The following CBLB variants were observed in gnomAD, a reference collection of about 807,000 sequenced individuals.
The protein encoded by CBLB is Cbl proto-oncogene B, also known as E3 ubiquitin-protein ligase CBL-B.
In CBLB, 31 loss-of-function variants were observed where a neutral mutation model predicts 104.9. The observed-to-expected ratio is 0.30, with a 90% CI of 0.22 to 0.40. CBLB has a LOEUF of 0.40. CBLB is among the 10% of genes least tolerant of loss of function. The pLI is 1.00. For synonymous variants in CBLB, 440 were observed against 422.6 expected (o/e 1.04, Z -0.51); for missense variants, 1,062 against 1,214.6 (o/e 0.87, Z 1.87).
chr3:105,762,075 G>A (rs868588766), intron 4 of CBLB: 1 of 152,420 alleles, frequency 6.6e-6, no homozygotes, highest in African/African-American at 2.4e-5. Flanking sequence ...TAGGGCATCT[G>A]GCAGAAGAAA....
At chr3:105,730,890 CTT>C (rs1474374137) in intron 9 of CBLB, among the ~76,000 whole-genome samples, 4 of 152,090 alleles carry the variant, frequency 2.6e-5, no homozygotes, top group Non-Finnish European at 5.9e-5. Flanking sequence ...TCTCACATAA[CTT>C]TTAAAATTTT....
At chr3:105,683,046 T>C (rs1369554262) in intron 14 of CBLB, among the ~76,000 whole-genome samples, 2 of 152,106 alleles carry the variant, frequency 1.3e-5, no homozygotes, top group Non-Finnish European at 1.5e-5. Context: ...GATATTTGAA[T>C]AGATAATGCA....
chr3:105,686,885 A>G (rs949374839), intron 13 of CBLB, among the ~76,000 whole-genome samples: 2 of 152,140 alleles, frequency 1.3e-5, no homozygotes, highest in East Asian at 3.8e-4. Flanking sequence ...CCTACAGCAC[A>G]AGCTAAGGGC....
chr3:105,731,641 C>T (rs888621310), intron 9 of CBLB, among the ~76,000 whole-genome samples: 1 of 152,160 alleles, frequency 6.6e-6, no homozygotes, highest in East Asian at 1.9e-4. Context: ...TTTATAGAGA[C>T]GGGGTCTCCT....
At chr3:105,680,715 C>T (rs2066214516) in intron 16 of CBLB, among the ~76,000 whole-genome samples, 4 of 152,170 alleles carry the variant, frequency 2.6e-5, no homozygotes, top group Admixed American at 2.6e-4. Context: ...GGCCTAACAG[C>T]CAGTTCAGAA....
intron 13 of CBLB, among the ~76,000 whole-genome samples, chr3:105,690,771 G>T (rs1037078704): frequency 5.3e-5 from 8 of 149,880 alleles, no homozygotes; most frequent in Non-Finnish European, 1.2e-4. Context: ...GCAGTGAGCC[G>T]AGATCGCGCC....
intron 4 of CBLB, among the ~76,000 whole-genome samples, chr3:105,752,181 AACTT>A (rs1356202077): frequency 1.3e-5 from 2 of 152,244 alleles, no homozygotes; most frequent in Admixed American, 6.5e-5. Flanking sequence ...ACAAAAGAAA[AACTT>A]AATTTTTAAA....
intron 14 of CBLB, among the ~76,000 whole-genome samples, chr3:105,684,399 TTTAC>T (rs1363364816): frequency 1.3e-5 from 2 of 152,202 alleles, no homozygotes; most frequent in South Asian, 2.1e-4. Flanking sequence ...GACTCATGCC[TTTAC>T]TTAAAGATAA....
At chr3:105,772,743 C>T (rs189625954) in intron 4 of CBLB, among the ~76,000 whole-genome samples, 154 of 152,206 alleles carry the variant, frequency 1.0e-3, no homozygotes, top group African/African-American at 3.5e-3. Flanking sequence ...CATATACAAA[C>T]AGCCAACAAA....
chr3:105,663,199 A>AT, intron 18 of CBLB, among the ~76,000 whole-genome samples: 1 of 152,196 alleles, frequency 6.6e-6, no homozygotes, highest in African/African-American at 2.4e-5. Context: ...GACAGTCATT[A>AT]CAACAGTTAC....
intron 13 of CBLB, among the ~76,000 whole-genome samples, chr3:105,689,118 T>C (rs2067358628): frequency 6.6e-6 from 1 of 152,022 alleles, no homozygotes; most frequent in Admixed American, 6.6e-5. Flanking sequence ...CACTTACCAC[T>C]AGCTGACAAT....
chr3:105,752,265 G>A (rs2076661678), intron 4 of CBLB, among the ~76,000 whole-genome samples: 1 of 151,990 alleles, frequency 6.6e-6, no homozygotes, highest in South Asian at 2.1e-4. Flanking sequence ...AATATCATTC[G>A]ACAAAATTTT....
intron 8 of CBLB, among the ~76,000 whole-genome samples, chr3:105,735,985 C>T (rs181557273): frequency 7.9e-5 from 12 of 152,094 alleles, no homozygotes; most frequent in South Asian, 2.1e-4. Context: ...TAAATTTACA[C>T]GTACAATATG....
At chr3:105,750,840 G>T (rs2076533432) in intron 5 of CBLB, among the ~76,000 whole-genome samples, 1 of 152,142 alleles carries the variant, frequency 6.6e-6, no homozygotes, top group Non-Finnish European at 1.5e-5. Flanking sequence ...TGTGGGAAAA[G>T]ACCTAAATTT....
chr3:105,845,097 T>C (rs2090057513), intron 3 of CBLB, among the ~76,000 whole-genome samples: 1 of 152,102 alleles, frequency 6.6e-6, no homozygotes, highest in Non-Finnish European at 1.5e-5. Flanking sequence ...TTTAATAAGC[T>C]ACCTAAGACT....
At chr3:105,720,640 T>C (rs1289319037) in intron 9 of CBLB, among the ~76,000 whole-genome samples, 1 of 152,196 alleles carries the variant, frequency 6.6e-6, no homozygotes, top group Non-Finnish European at 1.5e-5. Flanking sequence ...CATAAAAAAG[T>C]ATATTTTGGT....
chr3:105,861,604 A>T (rs1319538883), intron 2 of CBLB, among the ~76,000 whole-genome samples: 1 of 151,108 alleles, frequency 6.6e-6, no homozygotes, highest in African/African-American at 2.4e-5. Flanking sequence ...ATCTTAGGCC[A>T]TTCCCTAACT....
rs144216569 is a variant in CBLB, at chr3:105,798,666, G to T, written c.420-22124C>A. Among the ~76,000 whole-genome samples, 137 of 152,294 alleles carry T rather than the reference G, an allele frequency of 9.0e-4. 1 individual carries two copies. The East Asian group carries it at 0.026, about 29-fold the overall frequency. On this transcript the variant is annotated intron_variant, in intron 3 of 18. Coordinates refer to ENST00000394030, the MANE Select transcript of CBLB (RefSeq NM_170662.5). Reference sequence around the variant, plus strand: ...TCCTCCCCATCTTTAGTCAGAACCAGATGTTAAATATTGAGACTGGGGGTA... The same window carrying T: ...TCCTCCCCATCTTTAGTCAGAACCATATGTTAAATATTGAGACTGGGGGTA...
chr3:105,731,463 T>C (rs569504475), intron 9 of CBLB, among the ~76,000 whole-genome samples: 6 of 152,266 alleles, frequency 3.9e-5, no homozygotes, highest in African/African-American at 1.4e-4. Flanking sequence ...GTACTGACAA[T>C]GTGAAGTTAG....
Sources: allele counts gnomAD v4.1 joint callset (sites outside exome capture counted in the v4.1 genomes callset), GRCh38; gene constraint gnomAD v4.1.1; transcripts MANE v1.5; gene names NCBI Gene and HGNC (gene_info 2026-07-23, HGNC 2026-07-21).